The following DEUP1 variants were observed in gnomAD, a reference collection of about 807,000 sequenced individuals.
DEUP1 encodes the protein deuterosome assembly protein 1, also known as coiled-coil domain containing 67.
DEUP1 carries 82 observed loss-of-function variants against 87.4 expected under a neutral mutation model. The observed-to-expected ratio is 0.94, with a 90% confidence interval of 0.78 to 1.13. DEUP1 has a LOEUF of 1.13. Among genes scored for constraint, DEUP1 ranks in the 50% most tolerant of loss-of-function variants. DEUP1 has a pLI of 0.00. For synonymous variants in DEUP1, 214 were observed against 222.7 expected, an observed-to-expected ratio of 0.96 and a Z score of 0.35; for missense variants, 663 against 681.5, an observed-to-expected ratio of 0.97 and a Z score of 0.30.
At chr11:93,351,197 C>G (rs1944612335) in intron 2 of DEUP1, among the ~76,000 whole-genome samples, 1 of 151,930 alleles carries the variant, frequency 6.6e-6, no homozygotes, top group Non-Finnish European at 1.5e-5. Context: ...GTCTAACATT[C>G]TAACTTCTGC....
At chr11:93,361,994 A>G (rs1945197507) in intron 4 of DEUP1, among the ~76,000 whole-genome samples, 1 of 152,034 alleles carries the variant, frequency 6.6e-6, no homozygotes, top group Admixed American at 6.6e-5. Flanking sequence ...AAATGGTGCA[A>G]TGACAAGAGG....
chr11:93,344,250 G>A (rs567955858), intron 2 of DEUP1, among the ~76,000 whole-genome samples: 3 of 151,934 alleles, frequency 2.0e-5, no homozygotes, highest in East Asian at 1.9e-4. Context: ...TGTATGTCTC[G>A]GGTCTGATAC....
chr11:93,342,936 G>C (rs984524427), intron 2 of DEUP1, among the ~76,000 whole-genome samples: 1 of 152,218 alleles, frequency 6.6e-6, no homozygotes, highest in African/African-American at 2.4e-5. Context: ...CAGTTAAAGA[G>C]ATGGAATGGA....
At chr11:93,368,608 CAA>C (rs1945541456) in intron 5 of DEUP1, among the ~76,000 whole-genome samples, 1 of 152,154 alleles carries the variant, frequency 6.6e-6, no homozygotes, top group African/African-American at 2.4e-5. Context: ...AGAACTCTAT[CAA>C]GAGACAGCAC....
chr11:93,373,369 G>A (rs1356974631), intron 7 of DEUP1, among the ~76,000 whole-genome samples: 2 of 151,714 alleles, frequency 1.3e-5, no homozygotes, highest in African/African-American at 4.8e-5. Flanking sequence ...CCTTTCCCCT[G>A]AGTCCCCCAA....
chr11:93,403,104 T>A (rs1323588915), intron 11 of DEUP1, among the ~76,000 whole-genome samples: 1 of 151,980 alleles, frequency 6.6e-6, no homozygotes, highest in African/African-American at 2.4e-5. Flanking sequence ...TACTAATTTA[T>A]CCTATGTACT....
In DEUP1 at chr11:93,414,878, C is replaced by T. The variant is rs140784537; in HGVS notation, c.1524-122C>T. 9.5e-4 allele frequency: 439 copies of T among 461,666 alleles called. 5 individuals carry two copies. The South Asian group carries it at 0.014, about 15-fold the overall frequency. 28.6% of individuals were successfully genotyped at this position (461,666 alleles called of 1,614,324 possible). ...CATATTCAAAGAAACACCCAGGTAA[C>T]AAGCCCAAACATTTTGTTGTGCTTT... On this transcript the variant is annotated intron_variant, in intron 12 of 13. Transcript: ENST00000298050.
intron 2 of DEUP1, among the ~76,000 whole-genome samples, chr11:93,337,790 G>A (rs1464592445): frequency 2.0e-5 from 3 of 152,188 alleles, no homozygotes; most frequent in Non-Finnish European, 2.9e-5. Context: ...ATTTCTACAA[G>A]AGACCTAATC....
chr11:93,363,020 A>G (rs1945247607), intron 4 of DEUP1, among the ~76,000 whole-genome samples: 1 of 151,904 alleles, frequency 6.6e-6, no homozygotes, highest in African/African-American at 2.4e-5. Flanking sequence ...TCAATATATG[A>G]ATGGTTAAAC....
At chr11:93,384,497 T>C (rs1161605300) in intron 7 of DEUP1, among the ~76,000 whole-genome samples, 1 of 152,198 alleles carries the variant, frequency 6.6e-6, no homozygotes, top group Non-Finnish European at 1.5e-5. Context: ...CCACTCCTTT[T>C]ACCTCTACTC....
At chr11:93,358,817 A>G (rs1307865986) in intron 4 of DEUP1, among the ~76,000 whole-genome samples, 3 of 152,160 alleles carry the variant, frequency 2.0e-5, no homozygotes, top group African/African-American at 4.8e-5. Flanking sequence ...TCCTGACCTC[A>G]GATGATATGC....
chr11:93,359,493 G>C (rs75296394), intron 4 of DEUP1, among the ~76,000 whole-genome samples: 1 of 152,160 alleles, frequency 6.6e-6, no homozygotes, highest in Admixed American at 6.5e-5. Context: ...TCTGAGAAGT[G>C]GAGAGAAGAG....
At chr11:93,340,345 C>A (rs891751156) in intron 2 of DEUP1, among the ~76,000 whole-genome samples, 4 of 152,112 alleles carry the variant, frequency 2.6e-5, no homozygotes, top group Non-Finnish European at 5.9e-5. Flanking sequence ...GCAACAGGAA[C>A]ATGATTGACG....
intron 12 of DEUP1, among the ~76,000 whole-genome samples, chr11:93,412,832 G>A (rs1947478389): frequency 6.6e-6 from 1 of 151,850 alleles, no homozygotes; most frequent in Non-Finnish European, 1.5e-5. Flanking sequence ...TTCATCTTAT[G>A]GTGCACATCA....
chr11:93,394,718 C>A, intron 10 of DEUP1, 62 bp downstream of exon 10: 1 of 1,075,986 alleles, frequency 9.3e-7, no homozygotes, highest in Non-Finnish European at 1.3e-6. Flanking sequence ...CCAATAGTAG[C>A]CTTCATTATT....
In DEUP1 at chr11:93,356,220, A is replaced by G. The variant is rs532097452; in HGVS notation, c.201+678A>G. On this transcript the variant is annotated intron_variant, in intron 3 of 13. Transcript: ENST00000298050. ...TGCTAGTTATATACCGTAACAAAAC[A>G]TCATTAGTTAACTTGTTCATCAACC... Among the ~76,000 whole-genome samples the G allele has an allele frequency of 7.2e-5, 11 of 152,374 alleles. No homozygotes were observed. The South Asian group carries it at 1.9e-3, about 26-fold the overall frequency.
In DEUP1 at chr11:93,368,295, A is replaced by C. The variant is rs1945523157; in HGVS notation, c.433-1778A>C. On this transcript the variant is annotated intron_variant, in intron 5 of 13. Coordinates refer to ENST00000298050, the MANE Select transcript of DEUP1 (RefSeq NM_181645.4). ...ATACCATAGACTGGGTGGCATAAAC[A>C]ACAGACATTTATTTTTCACAGTTCT... Among the ~76,000 whole-genome samples the C allele has an allele frequency of 1.3e-5, 2 of 152,256 alleles. 1 individual carries two copies. The highest frequency in any genetic ancestry group is 4.1e-4 in the South Asian group (2 of 4,836).
chr11:93,339,774 T>C (rs1466840801), intron 2 of DEUP1, among the ~76,000 whole-genome samples: 1 of 152,048 alleles, frequency 6.6e-6, no homozygotes. Flanking sequence ...TCCCTACCCG[T>C]CCCAGCCAAG....
At chr11:93,358,481 A>G (rs948244767) in intron 4 of DEUP1, among the ~76,000 whole-genome samples, 2 of 152,222 alleles carry the variant, frequency 1.3e-5, no homozygotes, top group African/African-American at 4.8e-5. Context: ...GGTACACATT[A>G]GCATATTACA....
Sources: allele counts gnomAD v4.1 joint callset (sites outside exome capture counted in the v4.1 genomes callset), GRCh38; gene constraint gnomAD v4.1.1; transcripts MANE v1.5; gene names NCBI Gene and HGNC (gene_info 2026-07-23, HGNC 2026-07-21).